Variants in MTMR8 observed in about 807,000 individuals in gnomAD.
The protein encoded by MTMR8 is phosphatidylinositol-3,5-bisphosphate 3-phosphatase MTMR8.
A neutral mutation model predicts 39.3 loss-of-function variants in MTMR8; 65 were observed. That is an observed-to-expected ratio of 1.65 (90% CI 1.35 to 2.03). The LOEUF (loss-of-function observed/expected upper bound fraction) is 2.03, where lower values mean the gene tolerates loss of function less well. MTMR8 is among the 30% of genes most tolerant of loss of function. MTMR8 has a pLI of 0.00. For synonymous variants in MTMR8, 245 were observed against 185.2 expected, an observed-to-expected ratio of 1.32 and a Z score of -2.62; for missense variants, 777 against 538.9, an observed-to-expected ratio of 1.44 and a Z score of -4.37.
chrX:64,390,766 C>A (rs370082737), intron 1 of MTMR8, among the ~76,000 whole-genome samples: 1 of 110,316 alleles, frequency 9.1e-6, no homozygotes, highest in Non-Finnish European at 1.9e-5. Context: ...ATCCCCACCG[C>A]CCCCCCAGCC....
intron 1 of MTMR8, among the ~76,000 whole-genome samples, chrX:64,364,318 G>A (rs925033672): frequency 1.8e-5 from 2 of 112,333 alleles, no homozygotes; most frequent in Admixed American, 1.9e-4. Flanking sequence ...TAGCCTAACT[G>A]GGAGACACCT....
chrX:64,387,521 G>A (rs940640468), intron 1 of MTMR8, among the ~76,000 whole-genome samples: 1 of 110,673 alleles, frequency 9.0e-6, no homozygotes, highest in African/African-American at 3.3e-5. Flanking sequence ...TAGCAGGTAG[G>A]ACCTTCTAGG....
intron 12 of MTMR8, among the ~76,000 whole-genome samples, chrX:64,291,685 G>T (rs1222553714): frequency 8.9e-6 from 1 of 111,765 alleles, no homozygotes; most frequent in Non-Finnish European, 1.9e-5. Flanking sequence ...TCAATAGGAG[G>T]ATTAACTGTC....
At chrX:64,340,784 G>C (rs146930831) in intron 8 of MTMR8, among the ~76,000 whole-genome samples, 2 of 111,718 alleles carry the variant, frequency 1.8e-5, no homozygotes, top group Admixed American at 9.5e-5. Flanking sequence ...AATGATACTG[G>C]ATTTCACTAA....
intron 1 of MTMR8, among the ~76,000 whole-genome samples, chrX:64,362,159 C>G (rs6624110): frequency 1.8e-5 from 2 of 109,138 alleles, no homozygotes; most frequent in Non-Finnish European, 3.8e-5. Context: ...CTTTAAAAGT[C>G]TAATGAAGGA....
Position 64,350,007 on chromosome X carries a change from C to T in MTMR8, c.532G>A (p.Gly178Arg). The T allele has an allele frequency of 3.3e-6, 4 of 1,195,882 alleles. No homozygotes were observed. Among genetic ancestry groups the T allele is most frequent in the Non-Finnish European group, 4.5e-6 (4 of 886,264 alleles). ...PKSVTLGTVV[G>R]SSKFRSKERV... ...TCTTTACTTCTGAACTTTGAACTTC[C>T]AACCACCGTTCCCAAGGTAACAGAT... is the stretch of plus-strand genomic sequence containing the variant. The change falls in exon 5 of 14, where the codon GGA (glycine) becomes AGA (arginine). Residue 178 changes from glycine to arginine, a missense_variant. Coordinates refer to ENST00000374852, the MANE Select transcript of MTMR8 (RefSeq NM_017677.4).
chrX:64,353,366 G>A (rs1379823914), intron 4 of MTMR8, among the ~76,000 whole-genome samples: 3 of 111,825 alleles, frequency 2.7e-5, no homozygotes, highest in African/African-American at 9.7e-5. Context: ...TTAATAACCA[G>A]AAAATATAAG....
rs1447919711 is a variant in MTMR8, at chrX:64,349,828, G to A, written c.597+114C>T. 34 of 576,976 alleles carry A rather than the reference G, an allele frequency of 5.9e-5. 1 individual carries two copies. Among genetic ancestry groups the A allele is most frequent in the Non-Finnish European group, 4.9e-6 (2 of 409,814 alleles). The allele number at this position is 576,976 out of a possible 1,213,427, so 47.5% of individuals were successfully genotyped here. A position where few individuals can be genotyped will look rare whatever the true frequency, so the allele number is the denominator to read the frequency against. ...AAACCTTCAGAAGTATGAAAGTCCAGAGAAGTTAAGTAACTTGCCTGAGGT... is the reference window on the plus strand; with the variant it reads ...AAACCTTCAGAAGTATGAAAGTCCAAAGAAGTTAAGTAACTTGCCTGAGGT... On this transcript the variant is annotated intron_variant, in intron 5 of 13. Transcript: ENST00000374852.
In MTMR8 at chrX:64,373,406, C is replaced by T. The variant is rs765169824; in HGVS notation, c.25-13879G>A. On this transcript the variant is annotated intron_variant, in intron 1 of 13. Transcript: ENST00000374852. Reference sequence around the variant, plus strand: ...GTTGTTTAAAAGTGTGTAGCACATCCCTCTCTCTCCCTCTCTCCTGCTCCA... The same window carrying T: ...GTTGTTTAAAAGTGTGTAGCACATCTCTCTCTCTCCCTCTCTCCTGCTCCA... 2.2e-3 allele frequency among the ~76,000 whole-genome samples: 246 copies of T among 110,977 alleles called. 2 individuals carry two copies. Among genetic ancestry groups the T allele is most frequent in the Middle Eastern group, 4.7e-3 (1 of 213 alleles).
chrX:64,391,943 CT>C (rs1924700175), intron 1 of MTMR8, among the ~76,000 whole-genome samples: 1 of 111,810 alleles, frequency 8.9e-6, no homozygotes, highest in Admixed American at 9.5e-5. Flanking sequence ...TGCATAAAGC[CT>C]TATTATTAAG....
At chrX:64,273,595 A>C (rs1293915577) in intron 12 of MTMR8, among the ~76,000 whole-genome samples, 1 of 111,513 alleles carries the variant, frequency 9.0e-6, no homozygotes, top group African/African-American at 3.3e-5. Flanking sequence ...GCAACAGTAA[A>C]TCCTCCCCTA....
At chrX:64,340,313 G>C (rs1324118926) in intron 8 of MTMR8, among the ~76,000 whole-genome samples, 4 of 112,282 alleles carry the variant, frequency 3.6e-5, no homozygotes, top group Non-Finnish European at 5.6e-5. Flanking sequence ...TGTAAGTGTA[G>C]AATGTTTGAT....
chrX:64,373,871 T>C (rs776079624), intron 1 of MTMR8, among the ~76,000 whole-genome samples: 11 of 111,472 alleles, frequency 9.9e-5, no homozygotes, highest in Non-Finnish European at 1.7e-4. Flanking sequence ...ATCTGAAGAA[T>C]ACTGATCTTG....
chrX:64,379,541 C>A (rs188938173), intron 1 of MTMR8, among the ~76,000 whole-genome samples: 2 of 111,483 alleles, frequency 1.8e-5, no homozygotes, highest in East Asian at 2.8e-4. Flanking sequence ...AGGGAAGGAT[C>A]TAACCCAGTC....
chrX:64,294,139 T>C, intron 12 of MTMR8, among the ~76,000 whole-genome samples: 1 of 112,183 alleles, frequency 8.9e-6, no homozygotes, highest in Non-Finnish European at 1.9e-5. Flanking sequence ...AAGCCACTAT[T>C]AATAAATGGA....
At chrX:64,392,447 T>C (rs1046138194) in intron 1 of MTMR8, among the ~76,000 whole-genome samples, 4 of 111,937 alleles carry the variant, frequency 3.6e-5, no homozygotes, top group Admixed American at 1.9e-4. Flanking sequence ...AAAGAGAATG[T>C]ATTAATCCAT....
At chrX:64,295,984 A>G (rs1417999268) in intron 12 of MTMR8, among the ~76,000 whole-genome samples, 2 of 112,363 alleles carry the variant, frequency 1.8e-5, no homozygotes, top group Non-Finnish European at 3.8e-5. Context: ...TCGAAGCAGG[A>G]AATCAAACAG....
chrX:64,290,454 G>T (rs1487599494), intron 12 of MTMR8, among the ~76,000 whole-genome samples: 1 of 110,325 alleles, frequency 9.1e-6, no homozygotes, highest in Non-Finnish European at 1.9e-5. Context: ...ATAAAAAAAA[G>T]AAATAATAGC....
chrX:64,278,662 C>T (rs1457713883), intron 12 of MTMR8, among the ~76,000 whole-genome samples: 3 of 108,274 alleles, frequency 2.8e-5, no homozygotes, highest in Non-Finnish European at 3.8e-5. Context: ...TTAGTAGAGA[C>T]GGGGTTACAC....
Sources: gnomAD v4.1 joint callset for allele counts (sites outside exome capture counted in the v4.1 genomes callset) on GRCh38, gnomAD v4.1.1 for gene constraint, MANE v1.5 for transcripts, NCBI Gene and HGNC (gene_info 2026-07-23, HGNC 2026-07-21) for gene names.